TULP4: variants seen among roughly 807,000 people sequenced by gnomAD.
The protein encoded by TULP4 is TUB like protein 4, also known as tubby-related protein 4.
In TULP4, 16 loss-of-function variants were observed where a neutral mutation model predicts 129.0. The ratio of observed to expected loss-of-function variants is 0.12; its 90% CI spans 0.08 to 0.19. TULP4 has a LOEUF of 0.19. Ranked by LOEUF, TULP4 falls within the 10% of genes least tolerant of loss-of-function variation. The pLI is 1.00. For synonymous variants in TULP4, 998 were observed against 854.0 expected (o/e 1.17, Z -2.94); for missense variants, 1,842 against 2,059.1 (o/e 0.89, Z 2.04).
At chr6:158,297,635 G>A (rs1486074585) in intron 1 of TULP4, among the ~76,000 whole-genome samples, 7 of 152,116 alleles carry the variant, frequency 4.6e-5, no homozygotes, top group Admixed American at 2.0e-4. Flanking sequence ...ATATGTCCAC[G>A]AAATCTTCAT....
intron 1 of TULP4, among the ~76,000 whole-genome samples, chr6:158,319,731 A>C (rs1262593509): frequency 6.6e-6 from 1 of 152,240 alleles, no homozygotes; most frequent in East Asian, 1.9e-4. Flanking sequence ...ATTGAATCTG[A>C]AATTAAATAC....
At chr6:158,353,782 G>T (rs1453764783) in intron 1 of TULP4, among the ~76,000 whole-genome samples, 3 of 152,136 alleles carry the variant, frequency 2.0e-5, no homozygotes, top group African/African-American at 7.2e-5. Context: ...TAAAGTCCTT[G>T]CAAGCACTGA....
intron 2 of TULP4, among the ~76,000 whole-genome samples, chr6:158,427,564 T>G (rs1441625706): frequency 7.5e-6 from 1 of 133,294 alleles, no homozygotes; most frequent in Non-Finnish European, 1.5e-5. Context: ...CATGATCTCG[T>G]CTCACTGCAA....
At chr6:158,344,039 A>G (rs1360552976) in intron 1 of TULP4, among the ~76,000 whole-genome samples, 1 of 152,110 alleles carries the variant, frequency 6.6e-6, no homozygotes, top group Admixed American at 6.5e-5. Flanking sequence ...TCCCCACCCT[A>G]ACTGATCAAT....
intron 6 of TULP4, among the ~76,000 whole-genome samples, chr6:158,469,369 G>A (rs1779622890): frequency 2.0e-5 from 3 of 151,932 alleles, no homozygotes; most frequent in Admixed American, 6.6e-5. Context: ...CACCTCCTGG[G>A]TTCAAGCGAT....
At chr6:158,332,120 C>T (rs779293031) in intron 1 of TULP4, among the ~76,000 whole-genome samples, 3 of 139,020 alleles carry the variant, frequency 2.2e-5, no homozygotes, top group Non-Finnish European at 4.6e-5. Flanking sequence ...TGCAGTTAGC[C>T]GAGATCACGC....
chr6:158,239,924 G>A (rs1349544035), intron 1 of TULP4, among the ~76,000 whole-genome samples: 1,364 of 58,946 alleles, frequency 0.023, 2 homozygotes, highest in East Asian at 0.033. Flanking sequence ...CGGACGGGGC[G>A]GCTGGCCGGG....
chr6:158,314,514 C>G (rs537029193), intron 1 of TULP4, among the ~76,000 whole-genome samples: 4 of 152,348 alleles, frequency 2.6e-5, no homozygotes, highest in Non-Finnish European at 5.9e-5. Flanking sequence ...CCTGCACTGT[C>G]TCTCTTAGAG....
chr6:158,332,541 G>A (rs1779936296), intron 1 of TULP4, among the ~76,000 whole-genome samples: 1 of 152,046 alleles, frequency 6.6e-6, no homozygotes, highest in Non-Finnish European at 1.5e-5. Context: ...GATGGAGAGG[G>A]ACTTGCAGAA....
intron 3 of TULP4, among the ~76,000 whole-genome samples, chr6:158,444,252 T>A (rs2115114339): frequency 8.1e-6 from 1 of 124,000 alleles, no homozygotes; most frequent in East Asian, 2.7e-4. Context: ...AAAAATTTTT[T>A]TTTTTTTTTT....
intron 1 of TULP4, among the ~76,000 whole-genome samples, chr6:158,251,310 G>C (rs1482438847): frequency 6.6e-6 from 1 of 152,070 alleles, no homozygotes; most frequent in Non-Finnish European, 1.5e-5. Context: ...GTTTAATACG[G>C]TCATACTCTT....
At chr6:158,455,231 C>T (rs1216741265) in intron 5 of TULP4, among the ~76,000 whole-genome samples, 1 of 64,136 alleles carries the variant, frequency 1.6e-5, no homozygotes, top group African/African-American at 9.7e-5. Context: ...CCCGCCACCG[C>T]GCCCGGCTAA....
rs557098834 is a variant in TULP4, at chr6:158,507,109, G to A, written c.*415G>A. 2.4e-5 allele frequency: 4 copies of A among 167,410 alleles called. No individual in the cohort carries two copies. In the South Asian group the frequency reaches 4.2e-4, roughly 17 times the overall value. 10.4% of individuals were successfully genotyped at this position (167,410 alleles called of 1,614,324 possible). On this transcript the variant is annotated 3_prime_UTR_variant, in exon 14 of 14. Coordinates refer to ENST00000367097, the MANE Select transcript of TULP4 (RefSeq NM_020245.5). ...ATCACCACTAGCGTAAAAGCAAAAA[G>A]CTTTTACAAAACACAGCCAAAAATT...
At chr6:158,499,931 A>G (rs1020668274) in intron 12 of TULP4, among the ~76,000 whole-genome samples, 5 of 152,296 alleles carry the variant, frequency 3.3e-5, no homozygotes, top group Non-Finnish European at 5.9e-5. Flanking sequence ...ATGGGTGAGC[A>G]AATCTCCTAG....
rs183943877 is a variant in TULP4, at chr6:158,316,958, C to T, written c.252+2690C>T. ...GCCAGGAGGAGAGTATCTGCTGTAG[C>T]TTCAAATCTTTCTGACTTTTCATGT... On this transcript the variant is annotated intron_variant, in intron 1 of 13. Coordinates refer to ENST00000367097, the MANE Select transcript of TULP4 (RefSeq NM_020245.5). Among the ~76,000 whole-genome samples, 132 of 152,304 alleles carry T rather than the reference C, an allele frequency of 8.7e-4. 1 individual carries two copies. Among genetic ancestry groups the T allele is most frequent in the Non-Finnish European group, 1.7e-3 (115 of 68,044 alleles).
chr6:158,479,924 G>A lies in TULP4; in HGVS notation c.1200G>A (p.Leu400=), dbSNP rs940784690. The A allele has an allele frequency of 2.5e-6, 4 of 1,610,076 alleles. No homozygotes were observed. In the Admixed American group the frequency reaches 5.0e-5, roughly 20 times the overall value. Residue 400 remains leucine, a synonymous_variant, in exon 7 of 14, where the codon CTG becomes CTA. Transcript: ENST00000367097. ...ACAAGGACGTCAGCAAGCTGACTCT[G>A]CCCCCCCGCCTCTGCTCCTACCTCT... The part of the protein sequence containing the change: ...REDKDVSKLT[L]PPRLCSYLST...
intron 1 of TULP4, among the ~76,000 whole-genome samples, chr6:158,306,765 C>G (rs1164377738): frequency 6.6e-6 from 1 of 152,134 alleles, no homozygotes; most frequent in Admixed American, 6.5e-5. Context: ...CACCTGTAAT[C>G]CCAGCTACTT....
intron 1 of TULP4, among the ~76,000 whole-genome samples, chr6:158,290,260 T>C (rs935480071): frequency 2.6e-5 from 4 of 152,210 alleles, no homozygotes; most frequent in African/African-American, 9.7e-5. Context: ...TGGTTTTGAT[T>C]TGCATTTCCC....
chr6:158,253,940 A>C (rs964856294), intron 1 of TULP4, among the ~76,000 whole-genome samples: 1 of 152,046 alleles, frequency 6.6e-6, no homozygotes, highest in African/African-American at 2.4e-5. Flanking sequence ...CGGAAGGCTG[A>C]GGCAGGGAGA....
Sources: gnomAD v4.1 joint callset for allele counts (sites outside exome capture counted in the v4.1 genomes callset) on GRCh38, gnomAD v4.1.1 for gene constraint, MANE v1.5 for transcripts, NCBI Gene and HGNC (gene_info 2026-07-23, HGNC 2026-07-21) for gene names.